The following NPAS3 variants were observed in gnomAD, a reference collection of about 807,000 sequenced individuals.
NPAS3 encodes the protein neuronal PAS domain-containing protein 3.
A neutral mutation model predicts 73.1 loss-of-function variants in NPAS3; 14 were observed. That is an observed-to-expected ratio of 0.19 (90% CI 0.13 to 0.30). NPAS3 has a LOEUF of 0.30. Ranked by LOEUF, NPAS3 falls within the 10% of genes least tolerant of loss-of-function variation. The pLI is 1.00. For missense variants in NPAS3, 1,096 were observed against 1,250.0 expected (o/e 0.88, Z 1.86); for synonymous variants, 620 against 541.5 (o/e 1.14, Z -2.01).
At chr14:33,475,549 T>TAAAA (rs5807728) in intron 4 of NPAS3, among the ~76,000 whole-genome samples, 16 of 112,712 alleles carry the variant, frequency 1.4e-4, no homozygotes, top group African/African-American at 4.5e-4. Context: ...AACTAAGATC[T>TAAAA]AAAAAAAAAA....
At chr14:33,026,344 T>G (rs767755576) in intron 1 of NPAS3, among the ~76,000 whole-genome samples, 3 of 152,210 alleles carry the variant, frequency 2.0e-5, no homozygotes, top group Non-Finnish European at 2.9e-5. Context: ...GTTAATCAAC[T>G]GTTCTTCACT....
rs142795956 is a variant in NPAS3, at chr14:33,653,066, T to C, written c.559-23145T>C. Reference sequence around the variant, plus strand: ...AATAATGGAGCACTTGCCCTTGGCATATTTTTGACCTTCCATTTTGCCTTT... The same window carrying C: ...AATAATGGAGCACTTGCCCTTGGCACATTTTTGACCTTCCATTTTGCCTTT... On this transcript the variant is annotated intron_variant, in intron 5 of 11. Coordinates refer to ENST00000356141, the Ensembl canonical transcript of NPAS3. 4.9e-4 allele frequency among the ~76,000 whole-genome samples: 74 copies of C among 152,370 alleles called. 1 individual carries two copies. In the East Asian group the frequency reaches 0.013, roughly 27 times the overall value.
At chr14:33,092,680 G>A (rs1057354253) in intron 2 of NPAS3, among the ~76,000 whole-genome samples, 3 of 152,042 alleles carry the variant, frequency 2.0e-5, no homozygotes, top group Admixed American at 1.3e-4. Flanking sequence ...AAGCCAAAAG[G>A]ACAAAGCTGG....
intron 9 of NPAS3, among the ~76,000 whole-genome samples, chr14:33,784,745 ATTTTT>A (rs1226491375): frequency 1.8e-4 from 13 of 73,858 alleles, no homozygotes; most frequent in Non-Finnish European, 2.9e-4. Flanking sequence ...TTATTTATTT[ATTTTT>A]TTTTTTTTTT....
chr14:33,074,690 T>G (rs2041599831), intron 2 of NPAS3, among the ~76,000 whole-genome samples: 1 of 152,224 alleles, frequency 6.6e-6, no homozygotes, highest in Admixed American at 6.5e-5. Context: ...GTTCTGGGAT[T>G]ACAGGTGTGA....
intron 4 of NPAS3, among the ~76,000 whole-genome samples, chr14:33,396,716 T>C (rs1326663383): frequency 6.6e-6 from 1 of 152,172 alleles, no homozygotes; most frequent in Non-Finnish European, 1.5e-5. Flanking sequence ...TTGCTTAGGA[T>C]ACAGTTGAAA....
At chr14:33,367,589 C>CTA (rs34285195) in intron 4 of NPAS3, among the ~76,000 whole-genome samples, 42,564 of 151,352 alleles carry the variant, frequency 0.28, 6,168 homozygotes, top group South Asian at 0.42. Context: ...GTAAGTGGAT[C>CTA]TGTGTGTGTC....
intron 7 of NPAS3, among the ~76,000 whole-genome samples, chr14:33,755,503 G>A (rs2062088259): frequency 6.6e-6 from 1 of 152,158 alleles, no homozygotes; most frequent in South Asian, 2.1e-4. Context: ...CTGCCGTGGG[G>A]TCTGTGAATT....
chr14:33,439,875 G>A (rs2049160445), intron 4 of NPAS3, among the ~76,000 whole-genome samples: 1 of 152,176 alleles, frequency 6.6e-6, no homozygotes, highest in South Asian at 2.1e-4. Context: ...CAGCACTTTG[G>A]GAGGCCGAGG....
chr14:32,975,477 C>T (rs2037627739), intron 1 of NPAS3, among the ~76,000 whole-genome samples: 1 of 152,240 alleles, frequency 6.6e-6, no homozygotes, highest in Non-Finnish European at 1.5e-5. Context: ...ATGTGAACTA[C>T]TGTGCCTGAC....
intron 4 of NPAS3, among the ~76,000 whole-genome samples, chr14:33,447,376 G>T (rs1365544404): frequency 1.3e-5 from 2 of 152,186 alleles, no homozygotes; most frequent in Non-Finnish European, 2.9e-5. Flanking sequence ...TGTGCTGTGA[G>T]TGTGTGTGTG....
rs115819808 is a variant in NPAS3 at position 33,787,648 on chromosome 14, T to G, written c.1154-6249T>G. On this transcript the variant is annotated intron_variant, in intron 9 of 11. Transcript: ENST00000356141. ...AACCAATTTCTGGATGCCTGCTATT[T>G]AAGACATCTAGCTCACTAATTGCAA... Among the ~76,000 whole-genome samples the G allele has an allele frequency of 2.9e-3, 439 of 151,864 alleles. 1 individual carries two copies. The highest frequency in any genetic ancestry group is 9.9e-3 in the African/African-American group (412 of 41,430).
chr14:33,711,017 G>T (rs1007485150), intron 6 of NPAS3, among the ~76,000 whole-genome samples: 2 of 152,144 alleles, frequency 1.3e-5, no homozygotes, highest in African/African-American at 4.8e-5. Context: ...TAAAAGTTCT[G>T]CTGGGAGCAA....
At chr14:33,346,017 GGTCA>G (rs2044710468) in intron 3 of NPAS3, among the ~76,000 whole-genome samples, 1 of 151,924 alleles carries the variant, frequency 6.6e-6, no homozygotes, top group South Asian at 2.1e-4. Flanking sequence ...AGGATCACAA[GGTCA>G]GGAGTTCGAG....
chr14:33,595,000 A>G (rs966895548), intron 5 of NPAS3, among the ~76,000 whole-genome samples: 6 of 152,336 alleles, frequency 3.9e-5, no homozygotes, highest in East Asian at 3.9e-4. Context: ...GGAGAAAACC[A>G]TGCCATTTGC....
At chr14:33,732,859 A>T (rs945330749) in intron 6 of NPAS3, among the ~76,000 whole-genome samples, 4 of 148,382 alleles carry the variant, frequency 2.7e-5, no homozygotes, top group African/African-American at 1.1e-4. Flanking sequence ...TTGGCTCCAC[A>T]GCTCACGTGA....
chr14:33,627,778 A>G (rs866000445), intron 5 of NPAS3, among the ~76,000 whole-genome samples: 1 of 152,228 alleles, frequency 6.6e-6, no homozygotes, highest in African/African-American at 2.4e-5. Flanking sequence ...TCCTTTCACT[A>G]TGCTTTAAAA....
intron 6 of NPAS3, among the ~76,000 whole-genome samples, chr14:33,684,273 A>C (rs1192408869): frequency 6.6e-6 from 1 of 151,360 alleles, no homozygotes; most frequent in Non-Finnish European, 1.5e-5. Flanking sequence ...AAAATAATCT[A>C]ATCTATCTAA....
chr14:33,253,639 G>A (rs1050545453), intron 3 of NPAS3, among the ~76,000 whole-genome samples: 17 of 151,888 alleles, frequency 1.1e-4, no homozygotes, highest in Admixed American at 9.2e-4. Flanking sequence ...CTTCCATGAT[G>A]AGTCACCCAT....
Sources: gnomAD v4.1 joint callset for allele counts (sites outside exome capture counted in the v4.1 genomes callset) on GRCh38, gnomAD v4.1.1 for gene constraint, MANE v1.5 for transcripts, NCBI Gene and HGNC (gene_info 2026-07-23, HGNC 2026-07-21) for gene names.